The following FREM2 variants were observed in gnomAD, a reference collection of about 807,000 sequenced individuals.
The protein encoded by FREM2 is FRAS1 related extracellular matrix 2.
In FREM2, 119 loss-of-function variants were observed where a neutral mutation model predicts 219.9. The ratio of observed to expected loss-of-function variants is 0.54; its 90% CI spans 0.47 to 0.63. The LOEUF is 0.63. FREM2 is among the 30% of genes least tolerant of loss of function. The probability of loss-of-function intolerance (pLI) is 0.00; values close to 1 mark genes in which losing one functional copy is unlikely to be tolerated. For missense variants in FREM2, 4,030 were observed against 3,993.6 expected (o/e 1.01, Z -0.25); for synonymous variants, 1,562 against 1,522.8 (o/e 1.03, Z -0.60).
intron 6 of FREM2, among the ~76,000 whole-genome samples, chr13:38,800,189 T>C (rs1874955564): frequency 6.6e-6 from 1 of 152,196 alleles, no homozygotes; most frequent in Non-Finnish European, 1.5e-5. Flanking sequence ...ATGGTGAAAG[T>C]CGTCTTTTCA....
intron 6 of FREM2, among the ~76,000 whole-genome samples, chr13:38,845,137 G>C (rs1048210526): frequency 6.6e-6 from 1 of 152,132 alleles, no homozygotes; most frequent in Non-Finnish European, 1.5e-5. Context: ...GAATTTGAAG[G>C]GGCTGTATGA....
At chr13:38,822,347 C>CTTTTTTTTTTTT (rs951562767) in intron 6 of FREM2, among the ~76,000 whole-genome samples, 2 of 100,028 alleles carry the variant, frequency 2.0e-5, no homozygotes, top group African/African-American at 3.1e-5. Flanking sequence ...TTCTTTCTTT[C>CTTTTTTTTTTTT]TTTTTTTTTT....
chr13:38,714,578 A>G (rs1870911874), intron 2 of FREM2, among the ~76,000 whole-genome samples: 1 of 152,160 alleles, frequency 6.6e-6, no homozygotes, highest in African/African-American at 2.4e-5. Context: ...AAAGATTACT[A>G]AGAGAGTGTA....
intron 6 of FREM2, among the ~76,000 whole-genome samples, chr13:38,838,425 A>T (rs1034056605): frequency 1.3e-5 from 2 of 152,118 alleles, no homozygotes; most frequent in Non-Finnish European, 2.9e-5. Flanking sequence ...GGTGAATCTG[A>T]AGATTATATG....
intron 2 of FREM2, among the ~76,000 whole-genome samples, chr13:38,722,477 C>CT (rs201233360): frequency 3.4e-4 from 52 of 150,982 alleles, no homozygotes; most frequent in South Asian, 2.7e-3. Context: ...CATCTGACCT[C>CT]TTTTTTTTTA....
chr13:38,700,115 A>G (rs945611330), intron 2 of FREM2, among the ~76,000 whole-genome samples: 1 of 152,126 alleles, frequency 6.6e-6, no homozygotes, highest in Non-Finnish European at 1.5e-5. Flanking sequence ...TAGTGGGGCA[A>G]CCATCATCCA....
intron 8 of FREM2, 68 bp from the exon 9 acceptor site, chr13:38,849,970 A>G (rs1566165849): frequency 7.9e-7 from 1 of 1,272,676 alleles, no homozygotes; most frequent in Non-Finnish European, 1.1e-6. Context: ...TTTCCACTAA[A>G]TCACATCTTC....
chr13:38,769,435 A>G (rs775694346), intron 3 of FREM2, 143 bp from the exon 4 acceptor site: 9 of 730,516 alleles, frequency 1.2e-5, no homozygotes, highest in Non-Finnish European at 2.0e-5. Flanking sequence ...CATCAGACCC[A>G]TTCCCAATTT....
intron 14 of FREM2, 43 bp from the exon 15 acceptor site, chr13:38,861,388 A>G: frequency 6.2e-7 from 1 of 1,601,344 alleles, no homozygotes; most frequent in Non-Finnish European, 8.5e-7. Context: ...GGTATTATTG[A>G]TTACCTTCTT....
intron 6 of FREM2, among the ~76,000 whole-genome samples, chr13:38,796,063 A>G (rs1314517925): frequency 1.3e-5 from 2 of 151,866 alleles, no homozygotes; most frequent in Non-Finnish European, 2.9e-5. Flanking sequence ...GGAAGCTCAT[A>G]GAATCATTAA....
intron 7 of FREM2, among the ~76,000 whole-genome samples, chr13:38,847,991 A>G (rs1877226001): frequency 6.6e-6 from 1 of 152,184 alleles, no homozygotes; most frequent in Non-Finnish European, 1.5e-5. Context: ...TGTTGCTTTA[A>G]CTAACAGGCA....
intron 2 of FREM2, among the ~76,000 whole-genome samples, chr13:38,748,836 G>C (rs1223422671): frequency 6.6e-6 from 1 of 152,112 alleles, no homozygotes; most frequent in Non-Finnish European, 1.5e-5. Flanking sequence ...AACATGTAAA[G>C]GATGCTGTGA....
chr13:38,781,586 T>A (rs1874119939), intron 4 of FREM2, among the ~76,000 whole-genome samples: 1 of 152,090 alleles, frequency 6.6e-6, no homozygotes, highest in Non-Finnish European at 1.5e-5. Flanking sequence ...TGTCACCCAA[T>A]CCATATTTGA....
chr13:38,851,120 T>C lies in FREM2; in HGVS notation c.6742+12T>C, dbSNP rs754577884. The C allele has an allele frequency of 4.3e-6, 7 of 1,612,500 alleles. No homozygotes were observed. Among genetic ancestry groups the C allele is most frequent in the Non-Finnish European group, 5.9e-6 (7 of 1,179,730 alleles). ...AGATGATGCTGATAGTAAGAAATCTTTTTTTGTTTGTTCAACTGTAAATTA... is the reference window on the plus strand; with the variant it reads ...AGATGATGCTGATAGTAAGAAATCTCTTTTTGTTTGTTCAACTGTAAATTA... On this transcript the variant is annotated intron_variant, in intron 10 of 23. Transcript: ENST00000280481.
intron 2 of FREM2, among the ~76,000 whole-genome samples, chr13:38,737,972 C>G (rs1030192258): frequency 6.6e-6 from 1 of 152,004 alleles, no homozygotes; most frequent in Non-Finnish European, 1.5e-5. Flanking sequence ...GGCAGATACA[C>G]CAGGTAGAAA....
chr13:38,724,014 A>G (rs1472681417), intron 2 of FREM2, among the ~76,000 whole-genome samples: 2 of 152,220 alleles, frequency 1.3e-5, no homozygotes, highest in Non-Finnish European at 2.9e-5. Context: ...CAATGGGTTC[A>G]CTACAATTCA....
chr13:38,689,820 G>C lies in FREM2; in HGVS notation c.2476G>C (p.Asp826His). The C allele has an allele frequency of 6.2e-7, 1 of 1,614,126 alleles. No individual in the cohort carries two copies. The highest frequency in any genetic ancestry group is 8.5e-7 in the Non-Finnish European group (1 of 1,180,020). The change falls in exon 1 of 24, where the codon GAC (aspartate) becomes CAC (histidine). Residue 826 changes from aspartate (D) to histidine (H), a missense_variant. Asp to His is a moderately conservative substitution (Grantham distance 81, BLOSUM62 -1). Coordinates refer to ENST00000280481, the MANE Select transcript of FREM2 (RefSeq NM_207361.6). The stretch of plus-strand genomic sequence containing the variant: ...CTTTACCCTTTACTTGCATCCCGTG[G>C]ACAACCAGCCACCTGAGATCCTCAA... ...GTFTLYLHPV[D>H]NQPPEILNTG...
chr13:38,837,698 C>A (rs1876764939), intron 6 of FREM2, among the ~76,000 whole-genome samples: 1 of 151,918 alleles, frequency 6.6e-6, no homozygotes, highest in Non-Finnish European at 1.5e-5. Flanking sequence ...ATGTAATGCC[C>A]TTCTTTGTCT....
chr13:38,691,268 C>G lies in FREM2; in HGVS notation c.3924C>G (p.Ile1308Met). The change falls in exon 1 of 24, where the codon ATC becomes ATG. Residue 1308 changes from isoleucine (I) to methionine (M), a missense_variant. Physicochemically the swap from Ile to Met is conservative, Grantham distance 10 (BLOSUM62 1). Coordinates refer to ENST00000280481, the MANE Select transcript of FREM2 (RefSeq NM_207361.6). ...PVDDETPRMT[I>M]NNGLEIEIGD... is the part of the protein sequence containing the mutation. ...ATGATGAGACGCCCAGAATGACTAT[C>G]AATAATGGACTAGAAATAGAAATTG... 1 of 1,613,548 alleles carries G rather than the reference C, an allele frequency of 6.2e-7. No homozygotes were observed. Among genetic ancestry groups the G allele is most frequent in the Non-Finnish European group, 8.5e-7 (1 of 1,179,566 alleles).
Sources: gnomAD v4.1 joint callset for allele counts (sites outside exome capture counted in the v4.1 genomes callset) on GRCh38, gnomAD v4.1.1 for gene constraint, MANE v1.5 for transcripts, NCBI Gene and HGNC (gene_info 2026-07-23, HGNC 2026-07-21) for gene names.